Variants in FAIM2 observed in about 807,000 individuals in gnomAD.
The protein encoded by FAIM2 is Fas apoptotic inhibitory molecule 2, also known as protein lifeguard 2.
FAIM2 carries 27 observed loss-of-function variants against 47.4 expected under a neutral mutation model. The observed-to-expected ratio is 0.57, with a 90% CI of 0.42 to 0.78. The LOEUF is 0.78. Among genes scored for constraint, FAIM2 ranks in the 30% least tolerant of loss-of-function variants. FAIM2 has a pLI of 0.00. For synonymous variants in FAIM2, 156 were observed against 159.3 expected (o/e 0.98, Z 0.16); for missense variants, 311 against 389.4 (o/e 0.80, Z 1.69).
chr12:49,867,245 C>T lies in FAIM2; in HGVS notation c.*3259G>A, dbSNP rs1019482057. On this transcript the variant is annotated 3_prime_UTR_variant, in exon 12 of 12. Transcript: ENST00000320634. ...GCCCCCAACCTCCAGCCACATGGGC[C>T]CTCGGTGACTCTCCCAAACCAGGCC... The T allele has an allele frequency of 4.6e-5, 7 of 152,250 alleles. No homozygotes were observed. Among genetic ancestry groups the T allele is most frequent in the African/African-American group, 1.7e-4 (7 of 41,436 alleles). The allele number at this position is 152,250 out of a possible 1,614,324, so 9.4% of individuals were successfully genotyped here.
intron 11 of FAIM2, among the ~76,000 whole-genome samples, chr12:49,885,785 T>G (rs1946856851): frequency 6.6e-6 from 1 of 152,160 alleles, no homozygotes; most frequent in African/African-American, 2.4e-5. Context: ...TGGAGGTCAT[T>G]TATTCATTCT....
At chr12:49,897,940 T>C (rs1946950747) in intron 3 of FAIM2, 47 bp downstream of exon 3, 11 of 1,443,980 alleles carry the variant, frequency 7.6e-6, no homozygotes, top group African/African-American at 1.4e-5. Flanking sequence ...CTCCAGGGGC[T>C]CCCCCACTGA....
chr12:49,884,265 G>A (rs960174667), intron 11 of FAIM2, among the ~76,000 whole-genome samples: 6 of 151,674 alleles, frequency 4.0e-5, no homozygotes, highest in Non-Finnish European at 1.5e-5. Flanking sequence ...AGAGAGAATG[G>A]GAGGGAAAGG....
chr12:49,879,234 ATGCATGCATGTGTG>A (rs1270384461), intron 11 of FAIM2, among the ~76,000 whole-genome samples: 1 of 120,832 alleles, frequency 8.3e-6, no homozygotes, highest in African/African-American at 3.6e-5. Context: ...GTGTGTATGT[ATGCATGCATGTGTG>A]TGCATGTGTG....
chr12:49,879,985 TATGTGC>T (rs1236912965), intron 11 of FAIM2, among the ~76,000 whole-genome samples: 2 of 151,726 alleles, frequency 1.3e-5, no homozygotes, highest in African/African-American at 4.8e-5. Context: ...TATGTGAGTG[TATGTGC>T]ATGTGTGCAT....
chr12:49,901,172 TG>T lies in FAIM2; in HGVS notation c.168del (p.Thr57GlnfsTer55), dbSNP rs769707188. Reference protein sequence around the residue: ...GMKAGAFPPAPTAVPLHPSWA... With the variant: ...GMKAGAFPPAXTAVPLHPSWA... ...CAGCTAGGGTGGAGAGGCACCGCTG[TG>T]GGGGCTGGGGGGAAGGCCCCTGCCT... On this transcript the variant is annotated frameshift_variant, in exon 2 of 12. Coordinates refer to ENST00000320634, the MANE Select transcript of FAIM2 (RefSeq NM_012306.4). LOFTEE classifies it high-confidence loss of function. 1 of 1,606,770 alleles carries T rather than the reference TG, an allele frequency of 6.2e-7. No individual in the cohort carries two copies. The highest frequency in any genetic ancestry group is 1.1e-5 in the South Asian group (1 of 90,070).
intron 5 of FAIM2, among the ~76,000 whole-genome samples, chr12:49,894,531 CAGAG>C (rs142956246): frequency 7.2e-5 from 11 of 151,854 alleles, no homozygotes; most frequent in African/African-American, 2.7e-4. Context: ...CTTAAGAAGT[CAGAG>C]AGAGAGAGAA....
intron 2 of FAIM2, among the ~76,000 whole-genome samples, chr12:49,898,683 C>T (rs1282519183): frequency 2.6e-5 from 4 of 152,144 alleles, no homozygotes; most frequent in South Asian, 2.1e-4. Context: ...CACACCATCA[C>T]GCCTGGCTAA....
chr12:49,903,350 A>G (rs1349240230), intron 1 of FAIM2, among the ~76,000 whole-genome samples: 3 of 152,238 alleles, frequency 2.0e-5, no homozygotes, highest in African/African-American at 7.2e-5. Flanking sequence ...GAGGGTGGGA[A>G]AGATGAGCAT....
intron 11 of FAIM2, among the ~76,000 whole-genome samples, chr12:49,871,727 C>T (rs1473268879): frequency 2.7e-5 from 4 of 149,864 alleles, no homozygotes; most frequent in East Asian, 2.0e-4. Context: ...AGTGCAATGG[C>T]GTGATCTCAG....
intron 11 of FAIM2, among the ~76,000 whole-genome samples, chr12:49,872,869 C>T (rs987139862): frequency 6.6e-6 from 1 of 152,190 alleles, no homozygotes; most frequent in Admixed American, 6.5e-5. Context: ...TGAGATAATG[C>T]ATGCAAGGGG....
intron 6 of FAIM2, 117 bp downstream of exon 6, chr12:49,890,947 A>G: frequency 9.5e-7 from 1 of 1,053,216 alleles, no homozygotes; most frequent in Non-Finnish European, 1.5e-6. Flanking sequence ...AGAGGCCCAG[A>G]GAGGGATGGG....
chr12:49,889,854 G>A (rs1946886984), intron 8 of FAIM2, among the ~76,000 whole-genome samples: 3 of 152,148 alleles, frequency 2.0e-5, no homozygotes, highest in Non-Finnish European at 4.4e-5. Context: ...AGTAACTGCA[G>A]GTCATGAGTC....
At chr12:49,898,506 G>A (rs1331022757) in intron 2 of FAIM2, among the ~76,000 whole-genome samples, 1 of 152,096 alleles carries the variant, frequency 6.6e-6, no homozygotes, top group Non-Finnish European at 1.5e-5. Flanking sequence ...CCTGACCCTT[G>A]CTCATTCTTT....
chr12:49,896,895 A>T, intron 5 of FAIM2, 136 bp downstream of exon 5: 2 of 750,616 alleles, frequency 2.7e-6, no homozygotes, highest in East Asian at 2.5e-5. Context: ...GCAGGGTTGG[A>T]GGGGATCTGT....
chr12:49,898,348 TGGG>T (rs1946955482), intron 2 of FAIM2, among the ~76,000 whole-genome samples: 1 of 151,958 alleles, frequency 6.6e-6, no homozygotes. Flanking sequence ...CCACCCCGGC[TGGG>T]GCTCCCTGGG....
chr12:49,900,213 G>A, intron 2 of FAIM2: 2 of 1,287,714 alleles, frequency 1.6e-6, no homozygotes, highest in Non-Finnish European at 2.0e-6. Context: ...CTGCGCCCAG[G>A]GGATTTGTAG....
In FAIM2 at chr12:49,898,012, T is replaced by C; in HGVS notation, c.290A>G (p.Lys97Arg). 6.2e-7 allele frequency: 1 copy of C among 1,613,942 alleles called. No homozygotes were observed. The highest frequency in any genetic ancestry group is 8.5e-7 in the Non-Finnish European group (1 of 1,179,908). ...LFTTFSWDDQ[K>R]VRRVFVRKVY... ...CTTTCTGACAAAGACTCGACGAACT[T>C]TCTGGTCATCCCAGCTGAAAGTGGT... is the stretch of plus-strand genomic sequence containing the variant. Residue 97 changes from lysine (K) to arginine (R), a missense_variant, in exon 3 of 12, where the codon AAA becomes AGA. Physicochemically the swap from Lys to Arg is conservative, Grantham distance 26. Coordinates refer to ENST00000320634, the MANE Select transcript of FAIM2 (RefSeq NM_012306.4).
At chr12:49,882,756 A>G (rs1385214716) in intron 11 of FAIM2, among the ~76,000 whole-genome samples, 1 of 152,006 alleles carries the variant, frequency 6.6e-6, no homozygotes, top group Non-Finnish European at 1.5e-5. Context: ...CCCCTGCCAC[A>G]CCTCTTGGGG....
Sources: gnomAD v4.1 joint callset for allele counts (sites outside exome capture counted in the v4.1 genomes callset) on GRCh38, gnomAD v4.1.1 for gene constraint, MANE v1.5 for transcripts, NCBI Gene and HGNC (gene_info 2026-07-23, HGNC 2026-07-21) for gene names.